The following NUMB variants were observed in gnomAD, a reference collection of about 807,000 sequenced individuals.
NUMB encodes the protein NUMB endocytic adaptor protein, also known as protein numb homolog.
Under a neutral mutation model 59.7 loss-of-function variants are expected in NUMB, and 29 were observed. The ratio of observed to expected loss-of-function variants is 0.49; its 90% CI spans 0.36 to 0.66. The LOEUF (loss-of-function observed/expected upper bound fraction) is 0.66. Among genes scored for constraint, NUMB ranks in the 30% least tolerant of loss-of-function variants. The pLI is 0.00. For missense variants in NUMB, 723 were observed against 822.0 expected (o/e 0.88, Z 1.47); for synonymous variants, 288 against 288.2 (o/e 1.00, Z 0.01).
intron 7 of NUMB, among the ~76,000 whole-genome samples, chr14:73,293,167 A>G (rs1889508233): frequency 6.6e-6 from 1 of 152,180 alleles, no homozygotes. Flanking sequence ...TATGTAAATC[A>G]GTATCTTTAA....
chr14:73,276,377 A>C lies in NUMB; in HGVS notation c.*201T>G. 1 of 540,930 alleles carries C rather than the reference A, an allele frequency of 1.8e-6. No individual in the cohort carries two copies. The highest frequency in any genetic ancestry group is 3.3e-6 in the Non-Finnish European group (1 of 305,722). The allele number at this position is 540,930 out of a possible 1,614,324, so 33.5% of individuals were successfully genotyped here. On this transcript the variant is annotated 3_prime_UTR_variant, in exon 13 of 13. Coordinates refer to ENST00000555238, the MANE Select transcript of NUMB (RefSeq NM_001005743.2). ...CCTTGACTTCTTTAGCCTAATTGCA[A>C]GGCAGCTTTTCTCTAGGAATGCTTT...
intron 4 of NUMB, among the ~76,000 whole-genome samples, chr14:73,326,920 T>G (rs1891690994): frequency 6.6e-6 from 1 of 150,426 alleles, no homozygotes; most frequent in Non-Finnish European, 1.5e-5. Flanking sequence ...TTTCCCAAAG[T>G]CATACACACA....
Position 73,451,163 on chromosome 14 carries a change from AAAAAAAAAAAAC to A in NUMB, c.-233+7318_-233+7329del, listed in dbSNP as rs1156948369. Among the ~76,000 whole-genome samples, 124 of 140,064 alleles carry A rather than the reference AAAAAAAAAAAAC, an allele frequency of 8.9e-4. 4 individuals are homozygous for A. In the South Asian group the frequency reaches 0.026, roughly 29 times the overall value. 91.9% of individuals were successfully genotyped at this position (140,064 alleles called of 152,430 possible). On this transcript the variant is annotated intron_variant, in intron 1 of 12. Coordinates refer to ENST00000555238, the MANE Select transcript of NUMB (RefSeq NM_001005743.2). ...AGCAGGACTCTGTCTCAAAAAAAAA[AAAAAAAAAAAAC>A]AAAAAACAAATCTACACTTCGGGAG...
chr14:73,374,154 G>C (rs1233353028), intron 2 of NUMB, among the ~76,000 whole-genome samples: 1 of 152,118 alleles, frequency 6.6e-6, no homozygotes, highest in Non-Finnish European at 1.5e-5. Context: ...ATAGGCGTGA[G>C]CCACCACGCC....
intron 3 of NUMB, among the ~76,000 whole-genome samples, chr14:73,362,544 G>T (rs1348801365): frequency 6.6e-6 from 1 of 152,052 alleles, no homozygotes; most frequent in African/African-American, 2.4e-5. Flanking sequence ...CCCAGACTAG[G>T]TGATCCTCCC....
At chr14:73,321,062 C>T (rs72734499) in intron 5 of NUMB, among the ~76,000 whole-genome samples, 6 of 149,506 alleles carry the variant, frequency 4.0e-5, no homozygotes, top group Non-Finnish European at 8.9e-5. Context: ...AAAAGTATTT[C>T]AAAAAAAAAC....
At position 73,277,179 on chromosome 14, in the gene NUMB, C is replaced by T. The variant is rs554233308; in HGVS notation, c.1355G>A (p.Arg452Gln). 1.4e-5 allele frequency: 23 copies of T among 1,613,846 alleles called. No homozygotes were observed. Among genetic ancestry groups the T allele is most frequent in the Admixed American group, 1.2e-4 (7 of 60,004 alleles). The part of the protein sequence containing the change: ...RWLEEVSKSV[R>Q]AQQPQASAAP... ...AGCTGAGGCCTGGGGCTGCTGAGCC[C>T]GGACGCTCTTAGACACCTCTTCTAA... Residue 452 changes from arginine to glutamine, a missense_variant, in exon 13 of 13, where the codon CGG (arginine) becomes CAG (glutamine). Coordinates refer to ENST00000555238, the MANE Select transcript of NUMB (RefSeq NM_001005743.2).
intron 4 of NUMB, among the ~76,000 whole-genome samples, chr14:73,342,725 C>T (rs763951691): frequency 6.6e-6 from 1 of 152,196 alleles, no homozygotes; most frequent in Non-Finnish European, 1.5e-5. Flanking sequence ...GCACTCATCA[C>T]GTACCAGGCA....
At position 73,452,327 on chromosome 14, in the gene NUMB, T is replaced by C. The variant is rs141682437; in HGVS notation, c.-233+6166A>G. ...GTGAGCTAAAATTGTGCCATTGTAC[T>C]CCAGCCTGGGCAACGAGAACGAAAC... is the stretch of plus-strand genomic sequence containing the variant. On this transcript the variant is annotated intron_variant, in intron 1 of 12. Coordinates refer to ENST00000555238, the MANE Select transcript of NUMB (RefSeq NM_001005743.2). 3.8e-4 allele frequency among the ~76,000 whole-genome samples: 58 copies of C among 152,158 alleles called. No individual in the cohort carries two copies. In the East Asian group the frequency reaches 0.011, roughly 29 times the overall value.
intron 2 of NUMB, among the ~76,000 whole-genome samples, chr14:73,384,629 G>A (rs1465203100): frequency 6.6e-6 from 1 of 152,106 alleles, no homozygotes; most frequent in Admixed American, 6.5e-5. Context: ...GTGCCATAGG[G>A]TGATCTTGGC....
At chr14:73,373,124 G>A (rs1894789523) in intron 2 of NUMB, among the ~76,000 whole-genome samples, 1 of 152,174 alleles carries the variant, frequency 6.6e-6, no homozygotes, top group South Asian at 2.1e-4. Flanking sequence ...CATAAAAAAT[G>A]AACCTTTCCA....
intron 2 of NUMB, among the ~76,000 whole-genome samples, chr14:73,383,878 T>C (rs1478488901): frequency 6.6e-6 from 1 of 151,946 alleles, no homozygotes; most frequent in Non-Finnish European, 1.5e-5. Context: ...TAGCCAGGCA[T>C]GGTGGGACGC....
Position 73,277,102 on chromosome 14 carries a change from G to A in NUMB, c.1432C>T (p.Pro478Ser). Residue 478 changes from proline (P) to serine (S), a missense_variant, in exon 13 of 13, where the codon CCA becomes TCA. By Grantham distance (74) the Pro-to-Ser change is moderately conservative. Transcript: ENST00000555238. ...GCATTCCCTTGGAAAGGTGATGCTG[G>A]CTGGGAGATGGCAGTGGGTGGAGGA... ...QPPPPTAISQ[P>S]ASPFQGNAFL... is the part of the protein sequence containing the mutation. 6.2e-7 allele frequency: 1 copy of A among 1,614,124 alleles called. No homozygotes were observed. The highest frequency in any genetic ancestry group is 8.5e-7 in the Non-Finnish European group (1 of 1,180,040).
chr14:73,315,765 C>T (rs971628090), intron 6 of NUMB, among the ~76,000 whole-genome samples: 7 of 152,156 alleles, frequency 4.6e-5, no homozygotes, highest in African/African-American at 1.7e-4. Context: ...ATGTAAAATC[C>T]ACTTGTTACA....
chr14:73,314,856 A>G (rs978976684), intron 6 of NUMB, among the ~76,000 whole-genome samples: 5 of 152,074 alleles, frequency 3.3e-5, no homozygotes, highest in African/African-American at 9.7e-5. Context: ...GAAAAAACAA[A>G]TACACCACAA....
intron 2 of NUMB, among the ~76,000 whole-genome samples, chr14:73,372,232 C>CAAAAAAAA (rs1036368862): frequency 7.2e-6 from 1 of 138,492 alleles, no homozygotes; most frequent in African/African-American, 2.7e-5. Flanking sequence ...TACTCCATCT[C>CAAAAAAAA]AAAAAAAAAG....
intron 5 of NUMB, chr14:73,322,668 A>T (rs1891465972): frequency 6.6e-6 from 1 of 152,234 alleles, no homozygotes; most frequent in Non-Finnish European, 1.5e-5. Flanking sequence ...TAACAGTTTA[A>T]TCCTAGTCTT....
intron 4 of NUMB, among the ~76,000 whole-genome samples, chr14:73,351,077 G>C (rs1893227539): frequency 1.3e-5 from 2 of 152,074 alleles, no homozygotes; most frequent in South Asian, 4.1e-4. Context: ...CCACTATTTG[G>C]GTGACAGGTA....
intron 1 of NUMB, among the ~76,000 whole-genome samples, chr14:73,457,181 C>T (rs1393496284): frequency 3.3e-5 from 5 of 152,108 alleles, no homozygotes; most frequent in Non-Finnish European, 5.9e-5. Context: ...CCGAGTATGC[C>T]TACCCTCTTT....
Sources: allele counts gnomAD v4.1 joint callset (sites outside exome capture counted in the v4.1 genomes callset), GRCh38; gene constraint gnomAD v4.1.1; transcripts MANE v1.5; gene names NCBI Gene and HGNC (gene_info 2026-07-23, HGNC 2026-07-21).